SOX6: variants seen among roughly 807,000 people sequenced by gnomAD.
SOX6 encodes transcription factor SOX-6.
Under a neutral mutation model 97.8 loss-of-function variants are expected in SOX6, and 11 were observed. That is an observed-to-expected ratio of 0.11 (90% CI 0.07 to 0.19). The LOEUF (loss-of-function observed/expected upper bound fraction) is 0.19. SOX6 is among the 10% of genes least tolerant of loss of function. SOX6 has a pLI of 1.00. For synonymous variants in SOX6, 360 were observed against 371.4 expected (o/e 0.97, Z 0.35); for missense variants, 810 against 1,039.5 (o/e 0.78, Z 3.04).
At chr11:16,335,620 A>G (rs1463420225) in intron 2 of SOX6, among the ~76,000 whole-genome samples, 1 of 152,222 alleles carries the variant, frequency 6.6e-6, no homozygotes, top group East Asian at 1.9e-4. Flanking sequence ...TCTCTAAAAT[A>G]ACAAGATTAG....
chr11:16,359,093 A>AT (rs35239427), upstream of SOX6, among the ~76,000 whole-genome samples: 46,981 of 151,926 alleles, frequency 0.31, 7,774 homozygotes, highest in African/African-American at 0.38. Flanking sequence ...AGAGAGATAT[A>AT]TTGTAGGAGC....
intron 4 of SOX6, among the ~76,000 whole-genome samples, chr11:16,188,301 T>TA (rs1313163561): frequency 6.6e-6 from 1 of 150,802 alleles, no homozygotes; most frequent in African/African-American, 2.4e-5. Flanking sequence ...AATGATGGCC[T>TA]AAAATCAAAA....
intron 4 of SOX6, among the ~76,000 whole-genome samples, chr11:16,232,853 T>C (rs1439092770): frequency 1.3e-5 from 2 of 152,146 alleles, no homozygotes; most frequent in Non-Finnish European, 2.9e-5. Flanking sequence ...ATGTCACTAA[T>C]GACTTTCTTT....
chr11:16,291,762 A>G (rs983049728), intron 3 of SOX6, among the ~76,000 whole-genome samples: 3 of 152,138 alleles, frequency 2.0e-5, no homozygotes, highest in African/African-American at 7.2e-5. Context: ...GGAGAATTAT[A>G]ACACATATGG....
intron 4 of SOX6, among the ~76,000 whole-genome samples, chr11:16,518,567 G>T (rs72875203): frequency 6.6e-6 from 1 of 152,076 alleles, no homozygotes; most frequent in Non-Finnish European, 1.5e-5. Context: ...GCCTAGAAGA[G>T]TTCTCTGAAT....
At chr11:16,022,921 T>C (rs1272674432) in intron 12 of SOX6, among the ~76,000 whole-genome samples, 1 of 152,182 alleles carries the variant, frequency 6.6e-6, no homozygotes, top group African/African-American at 2.4e-5. Context: ...TCATATCCTA[T>C]TCACTCTAGT....
At chr11:16,346,414 A>ATCCTT (rs1856777488) in intron 1 of SOX6, among the ~76,000 whole-genome samples, 1 of 151,996 alleles carries the variant, frequency 6.6e-6, no homozygotes, top group South Asian at 2.1e-4. Flanking sequence ...TGGGGAAGGG[A>ATCCTT]GGATGGCATG....
chr11:16,320,975 A>T (rs1240519528), intron 2 of SOX6, among the ~76,000 whole-genome samples: 1 of 152,124 alleles, frequency 6.6e-6, no homozygotes, highest in Non-Finnish European at 1.5e-5. Flanking sequence ...CCTCCAGGAA[A>T]GATGTTTTAT....
At chr11:16,560,247 T>C (rs1847793379) in intron 4 of SOX6, among the ~76,000 whole-genome samples, 2 of 152,150 alleles carry the variant, frequency 1.3e-5, no homozygotes, top group Non-Finnish European at 2.9e-5. Context: ...AGCTCTATAG[T>C]GCATGCCTTA....
At chr11:16,061,939 C>T (rs1000442816) in intron 9 of SOX6, among the ~76,000 whole-genome samples, 2 of 151,600 alleles carry the variant, frequency 1.3e-5, no homozygotes, top group Non-Finnish European at 3.0e-5. Flanking sequence ...TATTAAAATA[C>T]CAGAAGAAGA....
At chr11:16,213,250 A>G (rs1028968713) in intron 4 of SOX6, among the ~76,000 whole-genome samples, 3 of 152,076 alleles carry the variant, frequency 2.0e-5, no homozygotes, top group African/African-American at 7.2e-5. Flanking sequence ...TAGATACAAA[A>G]TTATAAATGC....
chr11:16,440,536 C>A (rs1292597878), intron 1 of SOX6, among the ~76,000 whole-genome samples: 1 of 152,132 alleles, frequency 6.6e-6, no homozygotes, highest in Admixed American at 6.5e-5. Context: ...ATCTGAATGA[C>A]AGCACTTGTT....
At chr11:16,202,852 T>C (rs935287076) in intron 4 of SOX6, among the ~76,000 whole-genome samples, 1 of 152,134 alleles carries the variant, frequency 6.6e-6, no homozygotes, top group African/African-American at 2.4e-5. Flanking sequence ...CTCGTAATTT[T>C]AAAACCAATG....
At chr11:16,376,869 G>A (rs1482817090) in intron 1 of SOX6, among the ~76,000 whole-genome samples, 4 of 151,812 alleles carry the variant, frequency 2.6e-5, no homozygotes, top group Non-Finnish European at 5.9e-5. Context: ...AGAAGAGAAG[G>A]GAGATAAGGG....
At chr11:16,093,980 A>G (rs1848743973) in intron 9 of SOX6, among the ~76,000 whole-genome samples, 1 of 151,926 alleles carries the variant, frequency 6.6e-6, no homozygotes, top group African/African-American at 2.4e-5. Flanking sequence ...TTTTCTAACC[A>G]GAGTCCACAT....
chr11:16,362,423 A>G (rs1188546142), intron 1 of SOX6, among the ~76,000 whole-genome samples: 1 of 152,176 alleles, frequency 6.6e-6, no homozygotes, highest in Non-Finnish European at 1.5e-5. Context: ...TCATAGCAAC[A>G]TGGTACCACC....
chr11:16,011,276 C>A (rs913414621), intron 13 of SOX6, among the ~76,000 whole-genome samples: 1 of 152,044 alleles, frequency 6.6e-6, no homozygotes, highest in Non-Finnish European at 1.5e-5. Context: ...TAGGAGCTAA[C>A]AAATTATGTA....
chr11:16,315,413 A>G (rs1855730113), intron 3 of SOX6: 1 of 152,156 alleles, frequency 6.6e-6, no homozygotes, highest in Admixed American at 6.6e-5. Flanking sequence ...AATAATCACA[A>G]TACTATGTAG....
chr11:16,497,108 C>A (rs1438626853), intron 4 of SOX6, among the ~76,000 whole-genome samples: 2 of 152,184 alleles, frequency 1.3e-5, no homozygotes, highest in Non-Finnish European at 2.9e-5. Context: ...GGGTACTCCT[C>A]TGAGACAAAA....
Sources: gnomAD v4.1 joint callset for allele counts (sites outside exome capture counted in the v4.1 genomes callset) on GRCh38, gnomAD v4.1.1 for gene constraint, MANE v1.5 for transcripts, NCBI Gene and HGNC (gene_info 2026-07-23, HGNC 2026-07-21) for gene names.